PLXNC1: variants seen among roughly 807,000 people sequenced by gnomAD.
PLXNC1 encodes plexin-C1.
A neutral mutation model predicts 178.2 loss-of-function variants in PLXNC1; 75 were observed. The ratio of observed to expected loss-of-function variants is 0.42; its 90% CI spans 0.35 to 0.51. PLXNC1 has a LOEUF of 0.51. Among genes scored for constraint, PLXNC1 ranks in the 20% least tolerant of loss-of-function variants. The pLI is 0.02. For missense variants in PLXNC1, 1,503 were observed against 1,984.4 expected (o/e 0.76, Z 4.61); for synonymous variants, 790 against 779.9 (o/e 1.01, Z -0.22).
intron 17 of PLXNC1, among the ~76,000 whole-genome samples, chr12:94,256,711 A>T (rs977410548): frequency 2.0e-5 from 3 of 152,202 alleles, no homozygotes; most frequent in Non-Finnish European, 4.4e-5. Flanking sequence ...GGGCTTTTAC[A>T]GTTAATGATT....
At position 94,260,516 on chromosome 12, in the gene PLXNC1, A is replaced by G; in HGVS notation, c.3252-126A>G. The stretch of plus-strand genomic sequence containing the variant: ...TGGTTAGAATCTAAACATTAAAAAA[A>G]AAAAAAAAAAAGCTCCCAACCCAAC... On this transcript the variant is annotated intron_variant, in intron 19 of 30. Coordinates refer to ENST00000258526, the MANE Select transcript of PLXNC1 (RefSeq NM_005761.3). The surrounding 1 kb of genome is among the most constrained non-coding windows in gnomAD (Gnocchi z 4.4). 1.7e-6 allele frequency: 1 copy of G among 596,004 alleles called. No individual in the cohort carries two copies. The highest frequency in any genetic ancestry group is 2.9e-6 in the Non-Finnish European group (1 of 349,550). 36.9% of individuals were successfully genotyped at this position (596,004 alleles called of 1,614,324 possible). A position where few individuals can be genotyped will look rare whatever the true frequency, so the allele number is the denominator to read the frequency against.
intron 21 of PLXNC1, among the ~76,000 whole-genome samples, chr12:94,271,700 C>T (rs557826752): frequency 3.3e-5 from 5 of 152,234 alleles, no homozygotes; most frequent in Admixed American, 6.5e-5. Flanking sequence ...ACATGTACCA[C>T]GTCTAGCCAT....
chr12:94,267,767 T>G (rs1965330119), intron 21 of PLXNC1, among the ~76,000 whole-genome samples: 1 of 152,110 alleles, frequency 6.6e-6, no homozygotes, highest in Non-Finnish European at 1.5e-5. Flanking sequence ...AAAATTTAAG[T>G]TTTTCATTTC....
chr12:94,214,199 C>A (rs143042205), intron 5 of PLXNC1, among the ~76,000 whole-genome samples: 2 of 151,720 alleles, frequency 1.3e-5, no homozygotes, highest in Non-Finnish European at 2.9e-5. Flanking sequence ...ATCCTCCCAC[C>A]TCAGCCTCCC....
intron 6 of PLXNC1, among the ~76,000 whole-genome samples, chr12:94,222,467 C>T (rs1323510816): frequency 6.6e-6 from 1 of 152,166 alleles, no homozygotes; most frequent in African/African-American, 2.4e-5. Flanking sequence ...TCCACATGCC[C>T]TTGCCAGATT....
chr12:94,257,447 T>C (rs947032198), intron 17 of PLXNC1, among the ~76,000 whole-genome samples: 5 of 151,956 alleles, frequency 3.3e-5, no homozygotes. Flanking sequence ...AAAAGGGAAA[T>C]TTGAATGAAA....
intron 23 of PLXNC1, among the ~76,000 whole-genome samples, chr12:94,291,470 A>G (rs1967313538): frequency 6.6e-6 from 1 of 152,198 alleles, no homozygotes; most frequent in Non-Finnish European, 1.5e-5. Flanking sequence ...GGATCAAGCA[A>G]TCCTACTGCC....
At chr12:94,290,800 T>C (rs1021747806) in intron 23 of PLXNC1, among the ~76,000 whole-genome samples, 19 of 152,236 alleles carry the variant, frequency 1.2e-4, no homozygotes, top group African/African-American at 4.6e-4. Flanking sequence ...AATATTAGAA[T>C]TGAGAATAGC....
At chr12:94,259,535 A>C in intron 18 of PLXNC1, 75 bp from the exon 19 acceptor site, 4 of 1,236,378 alleles carry the variant, frequency 3.2e-6, no homozygotes, top group Non-Finnish European at 4.4e-6. Flanking sequence ...TGGAAAACCC[A>C]TTGTGGGTCT....
intron 23 of PLXNC1, among the ~76,000 whole-genome samples, chr12:94,293,541 C>T (rs1336982401): frequency 1.3e-5 from 2 of 152,222 alleles, no homozygotes; most frequent in African/African-American, 2.4e-5. Context: ...GACCCTCCTC[C>T]TGGTTTGCTG....
chr12:94,240,597 G>C lies in PLXNC1; in HGVS notation c.2233G>C (p.Val745Leu). The C allele has an allele frequency of 1.2e-6, 2 of 1,614,004 alleles. No homozygotes were observed. Among genetic ancestry groups the C allele is most frequent in the Non-Finnish European group, 1.7e-6 (2 of 1,179,842 alleles). Residue 745 changes from valine to leucine, a missense_variant, in exon 11 of 31, where the codon GTG becomes CTG. Around this residue, in one of 4 missense-constraint regions of PLXNC1, gnomAD observed 615 missense variants for 698.6 expected, o/e 0.88. Coordinates refer to ENST00000258526, the MANE Select transcript of PLXNC1 (RefSeq NM_005761.3). ...GTTTGATGGTGGGAACTGCTCTTCT[G>C]TGGGATCCTTATCCTACATTGCTCT... ...IQFDGGNCSSVGSLSYIALPH... is the reference protein window; with the variant it reads ...IQFDGGNCSSLGSLSYIALPH...
intron 2 of PLXNC1, among the ~76,000 whole-genome samples, chr12:94,177,584 GA>G (rs1359173709): frequency 6.6e-6 from 1 of 151,758 alleles, no homozygotes; most frequent in African/African-American, 2.4e-5. Context: ...GGAAGGAAAG[GA>G]AAGGAGAAAG....
intron 21 of PLXNC1, among the ~76,000 whole-genome samples, chr12:94,272,648 G>A (rs753027016): frequency 2.0e-5 from 3 of 152,210 alleles, no homozygotes; most frequent in Non-Finnish European, 4.4e-5. Flanking sequence ...GCTCACACCT[G>A]TAATCCCAGC....
At chr12:94,168,685 T>C (rs1961722743) in intron 1 of PLXNC1, among the ~76,000 whole-genome samples, 1 of 152,202 alleles carries the variant, frequency 6.6e-6, no homozygotes, top group African/African-American at 2.4e-5. Flanking sequence ...GAATCCCTCC[T>C]TTCTGCCATC....
intron 1 of PLXNC1, among the ~76,000 whole-genome samples, chr12:94,154,979 C>G (rs979185765): frequency 5.9e-5 from 9 of 152,202 alleles, no homozygotes; most frequent in African/African-American, 2.2e-4. Context: ...AGCAGCAACA[C>G]TTTCTGGGAG....
chr12:94,286,616 CAAAAAAAAAA>C (rs61238982), intron 23 of PLXNC1, among the ~76,000 whole-genome samples: 99 of 101,400 alleles, frequency 9.8e-4, no homozygotes, highest in East Asian at 4.8e-3. Flanking sequence ...TGCTTAAAAG[CAAAAAAAAAA>C]AAAAAAAAAA....
intron 2 of PLXNC1, among the ~76,000 whole-genome samples, chr12:94,173,992 T>G (rs1465408063): frequency 6.6e-6 from 1 of 151,832 alleles, no homozygotes; most frequent in East Asian, 1.9e-4. Context: ...GTTGCTGTTT[T>G]GAATGGTGTC....
intron 21 of PLXNC1, 139 bp downstream of exon 21, chr12:94,265,364 AG>A: frequency 1.4e-6 from 1 of 691,444 alleles, no homozygotes; most frequent in Non-Finnish European, 2.4e-6. Context: ...TAAAAACAGT[AG>A]TTGATAAAAC....
At chr12:94,251,134 G>A (rs1204563907) in intron 14 of PLXNC1, among the ~76,000 whole-genome samples, 1 of 152,080 alleles carries the variant, frequency 6.6e-6, no homozygotes, top group Non-Finnish European at 1.5e-5. Context: ...CCTCTTTATT[G>A]CCCTCACTCC....
Sources: allele counts gnomAD v4.1 joint callset (sites outside exome capture counted in the v4.1 genomes callset), GRCh38; gene constraint gnomAD v4.1.1; regional missense constraint gnomAD v4.1.1; non-coding constraint Gnocchi (gnomAD v3.1); transcripts MANE v1.5; gene names NCBI Gene and HGNC (gene_info 2026-07-23, HGNC 2026-07-21).